Variants in MAML3 observed in about 807,000 individuals in gnomAD.
MAML3 encodes the protein mastermind like transcriptional coactivator 3.
In MAML3, 27 loss-of-function variants were observed where a neutral mutation model predicts 101.9. That is an observed-to-expected ratio of 0.27 (90% CI 0.20 to 0.37). MAML3 has a LOEUF of 0.37. Ranked by LOEUF, MAML3 falls within the 10% of genes least tolerant of loss-of-function variation. MAML3 has a pLI of 1.00. For synonymous variants in MAML3, 501 were observed against 555.9 expected (o/e 0.90, Z 1.39); for missense variants, 1,316 against 1,444.9 (o/e 0.91, Z 1.45).
intron 1 of MAML3, among the ~76,000 whole-genome samples, chr4:139,952,156 A>G (rs1733842225): frequency 6.6e-6 from 1 of 152,136 alleles, no homozygotes; most frequent in East Asian, 1.9e-4. Flanking sequence ...CAAAAGCGAA[A>G]CTCCATCTCA....
chr4:139,796,311 G>C lies in MAML3; in HGVS notation c.2080-65644C>G, dbSNP rs1385337983. On this transcript the variant is annotated intron_variant, in intron 2 of 4. Coordinates refer to ENST00000509479, the MANE Select transcript of MAML3 (RefSeq NM_018717.5). Reference sequence around the variant, plus strand: ...TTTTACACTTCACATGTCTGACAAGGGTGTGTGGGGCCAATTTACAGCAGG... The same window carrying C: ...TTTTACACTTCACATGTCTGACAAGCGTGTGTGGGGCCAATTTACAGCAGG... 2.0e-5 allele frequency among the ~76,000 whole-genome samples: 3 copies of C among 152,170 alleles called. 1 individual carries two copies. Among genetic ancestry groups the C allele is most frequent in the Admixed American group, 2.0e-4 (3 of 15,268 alleles).
chr4:139,889,338 G>A lies in MAML3; in HGVS notation c.2079+19C>T. On this transcript the variant is annotated intron_variant, in intron 2 of 4. Transcript: ENST00000509479. Reference sequence around the variant, plus strand: ...GCACCACAAGAACTGCTCGAAGAGTGTGTCACTTTCACACTTACCTGACCG... The same window carrying A: ...GCACCACAAGAACTGCTCGAAGAGTATGTCACTTTCACACTTACCTGACCG... 6.2e-7 allele frequency: 1 copy of A among 1,614,016 alleles called. No homozygotes were observed. The highest frequency in any genetic ancestry group is 1.7e-5 in the Admixed American group (1 of 60,034).
At chr4:140,038,152 C>T (rs566879020) in intron 1 of MAML3, among the ~76,000 whole-genome samples, 34 of 152,188 alleles carry the variant, frequency 2.2e-4, no homozygotes, top group Non-Finnish European at 3.2e-4. Context: ...GAAATGCACT[C>T]GGAAATGCTG....
At chr4:140,004,744 G>T (rs1199553592) in intron 1 of MAML3, among the ~76,000 whole-genome samples, 1 of 152,018 alleles carries the variant, frequency 6.6e-6, no homozygotes, top group African/African-American at 2.4e-5. Flanking sequence ...TCCCTTCCCA[G>T]ACCCGCTCTC....
At chr4:139,801,521 C>G (rs139181310) in intron 2 of MAML3, among the ~76,000 whole-genome samples, 1 of 151,966 alleles carries the variant, frequency 6.6e-6, no homozygotes, top group Non-Finnish European at 1.5e-5. Flanking sequence ...GGACTTTTTC[C>G]GTCAAAAGGA....
intron 3 of MAML3, among the ~76,000 whole-genome samples, chr4:139,729,829 A>C (rs1354346156): frequency 1.3e-5 from 2 of 152,204 alleles, no homozygotes; most frequent in Non-Finnish European, 2.9e-5. Flanking sequence ...CCTTTAACTC[A>C]CAGATTTCCT....
intron 1 of MAML3, among the ~76,000 whole-genome samples, chr4:140,064,568 T>C (rs1305151405): frequency 1.3e-5 from 2 of 152,210 alleles, no homozygotes; most frequent in Admixed American, 6.5e-5. Context: ...GATTCCTCGA[T>C]GAAAGGTAAA....
At chr4:139,997,844 A>G (rs1174716390) in intron 1 of MAML3, among the ~76,000 whole-genome samples, 1 of 151,836 alleles carries the variant, frequency 6.6e-6, no homozygotes, top group Non-Finnish European at 1.5e-5. Flanking sequence ...CTCTTAGCTG[A>G]TATCTTTTTC....
chr4:140,153,206 G>A lies in MAML3; in HGVS notation c.122C>T (p.Pro41Leu), dbSNP rs761268938. ...CGGGTGATTGCTACTCGGAGCAGCG[G>A]GAGTACTATTGGGAGTATTATTCAC... The part of the protein sequence containing the change: ...IGVNNTPNST[P>L]AAPSSNHPAA... Residue 41 changes from proline (P) to leucine (L), a missense_variant, in exon 1 of 5, where the codon CCC becomes CTC. Physicochemically the swap from Pro to Leu is moderately conservative, Grantham distance 98 (BLOSUM62 -3). Transcript: ENST00000509479. 1.1e-5 allele frequency: 17 copies of A among 1,559,886 alleles called. No individual in the cohort carries two copies. Among genetic ancestry groups the A allele is most frequent in the Non-Finnish European group, 1.4e-5 (16 of 1,151,426 alleles).
chr4:139,772,197 G>C (rs546848832), intron 2 of MAML3, among the ~76,000 whole-genome samples: 1 of 114,948 alleles, frequency 8.7e-6, no homozygotes, highest in African/African-American at 3.6e-5. Flanking sequence ...CCGAGATCGC[G>C]CCACTGCACT....
rs58015886 is a variant in MAML3, at chr4:139,889,909, TTGCTGCTGCTGCTGCTGCTGC to T, written c.1506_1526del (p.Gln504_Gln510del). ...AATTTGAAGTCTGATTTGAGTGCTG[TTGCTGCTGCTGCTGCTGCTGC>T]TGCTGCTGCTGCTGCTGCTGCTGCT... is the stretch of plus-strand genomic sequence containing the variant. On this transcript the variant is annotated inframe_deletion, in exon 2 of 5. Coordinates refer to ENST00000509479, the MANE Select transcript of MAML3 (RefSeq NM_018717.5). 1.2e-3 allele frequency: 1,825 copies of T among 1,476,644 alleles called. 13 individuals are homozygous for T. The African/African-American group carries it at 0.019, about 16-fold the overall frequency. The allele number at this position is 1,476,644 out of a possible 1,614,324, so 91.5% of individuals were successfully genotyped here.
At chr4:139,938,621 A>G (rs1013279526) in intron 1 of MAML3, among the ~76,000 whole-genome samples, 2 of 152,230 alleles carry the variant, frequency 1.3e-5, no homozygotes, top group African/African-American at 4.8e-5. Flanking sequence ...CTCTTTTAAT[A>G]GCCTGCTGCA....
chr4:139,733,149 T>C (rs1258153411), intron 2 of MAML3, among the ~76,000 whole-genome samples: 2 of 152,210 alleles, frequency 1.3e-5, no homozygotes, highest in African/African-American at 4.8e-5. Context: ...GCTTTACACT[T>C]TAACAAATGA....
chr4:139,761,993 A>G (rs1193837285), intron 2 of MAML3, among the ~76,000 whole-genome samples: 1 of 152,012 alleles, frequency 6.6e-6, no homozygotes, highest in Non-Finnish European at 1.5e-5. Flanking sequence ...AGACAGGAAG[A>G]AGTCAGGCTA....
At chr4:139,959,474 C>T (rs935367131) in intron 1 of MAML3, among the ~76,000 whole-genome samples, 4 of 152,148 alleles carry the variant, frequency 2.6e-5, no homozygotes, top group African/African-American at 9.7e-5. Context: ...TGCTCTATGG[C>T]AGAAAAGAAA....
chr4:140,013,643 G>C (rs571825811), intron 1 of MAML3, among the ~76,000 whole-genome samples: 3 of 152,242 alleles, frequency 2.0e-5, no homozygotes, highest in South Asian at 2.1e-4. Flanking sequence ...AATAAACTGA[G>C]CTTTATGGAA....
intron 2 of MAML3, among the ~76,000 whole-genome samples, chr4:139,768,807 A>G (rs1729915510): frequency 6.6e-6 from 1 of 152,190 alleles, no homozygotes; most frequent in South Asian, 2.1e-4. Context: ...GCTCTCTTGG[A>G]CCAACAGGAA....
intron 2 of MAML3, among the ~76,000 whole-genome samples, chr4:139,778,134 T>C (rs114179602): frequency 0.018 from 2,674 of 152,258 alleles, 77 homozygotes; most frequent in African/African-American, 0.06. Flanking sequence ...GGTGATGCAA[T>C]GAATATTGGT....
chr4:139,907,383 C>T (rs1732839207), intron 1 of MAML3, among the ~76,000 whole-genome samples: 1 of 152,118 alleles, frequency 6.6e-6, no homozygotes. Context: ...TCAAAGTCAC[C>T]CTGGAAGGCA....
Sources: gnomAD v4.1 joint callset for allele counts (sites outside exome capture counted in the v4.1 genomes callset) on GRCh38, gnomAD v4.1.1 for gene constraint, MANE v1.5 for transcripts, NCBI Gene and HGNC (gene_info 2026-07-23, HGNC 2026-07-21) for gene names.